The following USP13 variants were observed in gnomAD, a reference collection of about 807,000 sequenced individuals.
The protein encoded by USP13 is ubiquitin carboxyl-terminal hydrolase 13.
A neutral mutation model predicts 107.8 loss-of-function variants in USP13; 68 were observed. That is an observed-to-expected ratio of 0.63 (90% CI 0.52 to 0.77). The LOEUF (loss-of-function observed/expected upper bound fraction) is 0.77. Among genes scored for constraint, USP13 ranks in the 30% least tolerant of loss-of-function variants. USP13 has a pLI of 0.00. For missense variants in USP13, 945 were observed against 1,093.3 expected (o/e 0.86, Z 1.91); for synonymous variants, 377 against 389.5 (o/e 0.97, Z 0.38).
intron 7 of USP13, 68 bp downstream of exon 7, chr3:179,720,102 G>C: frequency 1.7e-6 from 2 of 1,185,900 alleles, no homozygotes; most frequent in Admixed American, 2.3e-5. Context: ...CAAGGGAACT[G>C]CTTGATTTAT....
intron 15 of USP13, among the ~76,000 whole-genome samples, chr3:179,756,049 C>T (rs1714780389): frequency 6.6e-6 from 1 of 152,180 alleles, no homozygotes; most frequent in African/African-American, 2.4e-5. Flanking sequence ...CAGATAAATA[C>T]AAGATGGTTT....
At chr3:179,760,757 C>T (rs1024462974) in intron 16 of USP13, among the ~76,000 whole-genome samples, 2 of 152,136 alleles carry the variant, frequency 1.3e-5, no homozygotes, top group Non-Finnish European at 2.9e-5. Context: ...GTAGATAGAG[C>T]TTTCTGTTCA....
chr3:179,769,967 C>G (rs73174418), intron 19 of USP13, among the ~76,000 whole-genome samples: 3 of 152,204 alleles, frequency 2.0e-5, no homozygotes, highest in African/African-American at 7.2e-5. Flanking sequence ...ATTACCATCA[C>G]GTGACTCTCC....
At chr3:179,660,655 G>T (rs1361963559) in intron 1 of USP13, among the ~76,000 whole-genome samples, 1 of 152,198 alleles carries the variant, frequency 6.6e-6, no homozygotes, top group Admixed American at 6.5e-5. Context: ...TACTATGCAC[G>T]TTGCCTTGCA....
intron 2 of USP13, 37 bp downstream of exon 2, chr3:179,682,040 C>A: frequency 6.3e-7 from 1 of 1,595,658 alleles, no homozygotes; most frequent in South Asian, 1.1e-5. Context: ...GCCTTGATGT[C>A]TTCCCTGTAA....
Position 179,752,363 on chromosome 3 carries a change from C to T in USP13, c.1788C>T (p.Pro596=), listed in dbSNP as rs996564187. Residue 596 remains proline, a synonymous_variant, in exon 14 of 21, where the codon CCC becomes CCT. Transcript: ENST00000263966. ...TCACTTTTGGTCTTGACTGGGTTCC[C>T]AAAAAATTTGGTAGGTATCTTTTGC... is the stretch of plus-strand genomic sequence containing the variant. ...KKFTFGLDWV[P]KKFDVSIDMP... 3.7e-6 allele frequency: 6 copies of T among 1,613,380 alleles called. No homozygotes were observed. In the Admixed American group the frequency reaches 5.0e-5, roughly 13 times the overall value.
intron 1 of USP13, among the ~76,000 whole-genome samples, chr3:179,657,801 T>A (rs1720321411): frequency 6.7e-6 from 1 of 149,214 alleles, no homozygotes. Flanking sequence ...GAAAAAGAGT[T>A]AATCACAAGT....
At chr3:179,719,393 G>A (rs1713224975) in intron 6 of USP13, among the ~76,000 whole-genome samples, 1 of 152,180 alleles carries the variant, frequency 6.6e-6, no homozygotes, top group South Asian at 2.1e-4. Context: ...AGGAAAGAAG[G>A]GATGTCGGGG....
rs186092932 is a variant in USP13 at position 179,688,387 on chromosome 3, T to A, written c.295-1854T>A. Among the ~76,000 whole-genome samples the A allele has an allele frequency of 8.3e-4, 127 of 152,378 alleles. 2 individuals carry two copies. The highest frequency in any genetic ancestry group is 7.8e-3 in the Admixed American group (119 of 15,310). On this transcript the variant is annotated intron_variant, in intron 2 of 20. Coordinates refer to ENST00000263966, the MANE Select transcript of USP13 (RefSeq NM_003940.3). ...GAATCTTTCTTAGCACTCATCAGAATCTGTGGTACCATTTGTTTACATATA... is the reference window on the plus strand; with the variant it reads ...GAATCTTTCTTAGCACTCATCAGAAACTGTGGTACCATTTGTTTACATATA...
chr3:179,655,352 T>C (rs186313380), intron 1 of USP13, among the ~76,000 whole-genome samples: 1 of 152,286 alleles, frequency 6.6e-6, no homozygotes, highest in Non-Finnish European at 1.5e-5. Context: ...TGTGTGTGTT[T>C]CTAGAATGTT....
intron 1 of USP13, among the ~76,000 whole-genome samples, chr3:179,673,993 A>G (rs903124516): frequency 1.5e-4 from 23 of 152,172 alleles, no homozygotes; most frequent in African/African-American, 3.1e-4. Context: ...TTCGGGTTCA[A>G]ACGATTCTCC....
intron 1 of USP13, among the ~76,000 whole-genome samples, chr3:179,679,767 T>C (rs1711581487): frequency 6.6e-6 from 1 of 151,250 alleles, no homozygotes; most frequent in African/African-American, 2.4e-5. Flanking sequence ...CCATGCTGTG[T>C]GAACTTGGGT....
intron 1 of USP13, among the ~76,000 whole-genome samples, chr3:179,672,162 C>G (rs1720767388): frequency 6.6e-6 from 1 of 152,180 alleles, no homozygotes; most frequent in African/African-American, 2.4e-5. Context: ...ATGTTGCAAT[C>G]TTGACCTTTA....
Position 179,709,063 on chromosome 3 carries a change from GC to G in USP13, c.805+109del, listed in dbSNP as rs1000044421. 45 of 1,328,720 alleles carry G rather than the reference GC, an allele frequency of 3.4e-5. 1 individual carries two copies. The highest frequency in any genetic ancestry group is 3.5e-5 in the Non-Finnish European group (35 of 986,460). The allele number at this position is 1,328,720 out of a possible 1,614,324, so 82.3% of individuals were successfully genotyped here. On this transcript the variant is annotated intron_variant, in intron 6 of 20. Coordinates refer to ENST00000263966, the MANE Select transcript of USP13 (RefSeq NM_003940.3). ...AAGGTGCAGGCTCTGGATGCAGACA[GC>G]CCAGGTTTGAATTCTAATTCTGCCT... is the stretch of plus-strand genomic sequence containing the variant.
At chr3:179,745,273 G>C in intron 13 of USP13, 56 bp downstream of exon 13, 559 of 1,225,084 alleles carry the variant, frequency 4.6e-4, no homozygotes, top group Non-Finnish European at 6.0e-4. Flanking sequence ...GAGGGGTGGG[G>C]ACAGGGGTAA....
At chr3:179,717,905 G>C (rs1347462092) in intron 6 of USP13, among the ~76,000 whole-genome samples, 2 of 151,990 alleles carry the variant, frequency 1.3e-5, no homozygotes, top group Non-Finnish European at 2.9e-5. Context: ...ATGGGCCTCT[G>C]GGGGAAGAGG....
In USP13 at chr3:179,721,761, G is replaced by A. The variant is rs1221737558; in HGVS notation, c.1088+172G>A. 6.6e-6 allele frequency among the ~76,000 whole-genome samples: 1 copy of A among 151,988 alleles called. No individual in the cohort carries two copies. The highest frequency in any genetic ancestry group is 1.5e-5 in the Non-Finnish European group (1 of 67,978). On this transcript the variant is annotated intron_variant, in intron 8 of 20. Coordinates refer to ENST00000263966, the MANE Select transcript of USP13 (RefSeq NM_003940.3). The surrounding 1 kb of genome is among the most constrained non-coding windows in gnomAD (Gnocchi z 4.3). Reference sequence around the variant, plus strand: ...GTGAGAACACTTGTCAAGTATTATGGGGATCAGGTGAGATAAGAAGAGCTT... The same window carrying A: ...GTGAGAACACTTGTCAAGTATTATGAGGATCAGGTGAGATAAGAAGAGCTT...
At chr3:179,745,483 C>A (rs1321205383) in intron 13 of USP13, among the ~76,000 whole-genome samples, 2 of 151,216 alleles carry the variant, frequency 1.3e-5, no homozygotes, top group African/African-American at 4.9e-5. Flanking sequence ...GATTTATTCT[C>A]TATTAGGAGC....
intron 1 of USP13, among the ~76,000 whole-genome samples, chr3:179,675,924 A>G (rs981117428): frequency 2.0e-5 from 3 of 152,140 alleles, no homozygotes; most frequent in African/African-American, 7.2e-5. Flanking sequence ...CCTGCCTGAT[A>G]TGGTTTGGCT....
Sources: gnomAD v4.1 joint callset for allele counts (sites outside exome capture counted in the v4.1 genomes callset) on GRCh38, gnomAD v4.1.1 for gene constraint, Gnocchi (gnomAD v3.1) non-coding constraint, MANE v1.5 for transcripts, NCBI Gene and HGNC (gene_info 2026-07-23, HGNC 2026-07-21) for gene names.